RTKN: variants seen among roughly 807,000 people sequenced by gnomAD.
RTKN encodes the protein rhotekin.
In RTKN, 49 loss-of-function variants were observed where a neutral mutation model predicts 63.5. The ratio of observed to expected loss-of-function variants is 0.77; its 90% CI spans 0.61 to 0.98. RTKN has a LOEUF of 0.98. Among genes scored for constraint, RTKN ranks in the 50% least tolerant of loss-of-function variants. The pLI, the probability that RTKN is intolerant of heterozygous loss-of-function variation, is 0.00. For synonymous variants in RTKN, 295 were observed against 290.4 expected, an observed-to-expected ratio of 1.02 and a Z score of -0.16; for missense variants, 685 against 740.8, an observed-to-expected ratio of 0.92 and a Z score of 0.87.
intron 9 of RTKN, 51 bp downstream of exon 9, chr2:74,428,217 A>C: frequency 6.2e-7 from 1 of 1,612,998 alleles, no homozygotes; most frequent in Non-Finnish European, 8.5e-7. Flanking sequence ...CCTGAAGGAG[A>C]GGCTCCTGGG....
chr2:74,440,690 G>T (rs1671320550), intron 1 of RTKN: 2 of 452,798 alleles, frequency 4.4e-6, no homozygotes, highest in Non-Finnish European at 5.8e-6. Flanking sequence ...GGTTCCTCGG[G>T]CCCAGTCGCT....
At chr2:74,439,403 AAC>A in intron 1 of RTKN, 1 of 826,544 alleles carries the variant, frequency 1.2e-6, no homozygotes, top group Admixed American at 2.1e-5. Flanking sequence ...CACTGCACCC[AAC>A]ACAAGGCATA....
intron 1 of RTKN, among the ~76,000 whole-genome samples, chr2:74,433,772 C>A (rs13430762): frequency 6.6e-6 from 1 of 152,136 alleles, no homozygotes; most frequent in South Asian, 2.1e-4. Flanking sequence ...GGATTACAGG[C>A]GTGAGCCACC....
intron 2 of RTKN, 98 bp from the exon 3 acceptor site, chr2:74,430,775 A>G: frequency 2.5e-6 from 3 of 1,224,280 alleles, no homozygotes; most frequent in Non-Finnish European, 1.1e-6. Flanking sequence ...CCAGCGCCTC[A>G]GCCACCAGGT....
At chr2:74,429,167 G>A (rs948990673) in intron 6 of RTKN, among the ~76,000 whole-genome samples, 2 of 152,174 alleles carry the variant, frequency 1.3e-5, no homozygotes, top group African/African-American at 4.8e-5. Context: ...TGTGAGGTTG[G>A]TGGCATTCTT....
chr2:74,439,951 T>C, intron 1 of RTKN: 3 of 1,138,048 alleles, frequency 2.6e-6, no homozygotes, highest in Non-Finnish European at 3.3e-6. Context: ...GTGTCCAGTC[T>C]CGCTTTGGTG....
At chr2:74,440,936 C>T (rs1671334111) in intron 1 of RTKN, among the ~76,000 whole-genome samples, 1 of 152,234 alleles carries the variant, frequency 6.6e-6, no homozygotes, top group African/African-American at 2.4e-5. Context: ...GAACTGGGCT[C>T]TCCTTGGGCG....
In RTKN at chr2:74,426,530, T is replaced by G; in HGVS notation, c.1405A>C (p.Thr469Pro). The change falls in exon 12 of 12, where the codon ACC becomes CCC. Residue 469 changes from threonine (T) to proline (P), a missense_variant. Coordinates refer to ENST00000272430, the MANE Select transcript of RTKN (RefSeq NM_001015055.2). Reference protein sequence around the residue: ...DDIAAVTDILTQREGARLETP... With the variant: ...DDIAAVTDILPQREGARLETP... ...TCCAGCCTTGCGCCCTCCCGCTGGG[T>G]CAGGATGTCTGTCACCGCTGCGATG... is the stretch of plus-strand genomic sequence containing the variant. 6.5e-7 allele frequency: 1 copy of G among 1,550,036 alleles called. No individual in the cohort carries two copies. The highest frequency in any genetic ancestry group is 1.2e-5 in the South Asian group (1 of 81,254).
rs1246952903 is a variant in RTKN, at chr2:74,428,839, C to T, written c.850+9G>A. On this transcript the variant is annotated intron_variant, in intron 7 of 11. Coordinates refer to ENST00000272430, the MANE Select transcript of RTKN (RefSeq NM_001015055.2). Reference sequence around the variant, plus strand: ...CATGTGTATGTCCCCCATGCACACACATACTTACCATGACTGGCAAGGGTG... The same window carrying T: ...CATGTGTATGTCCCCCATGCACACATATACTTACCATGACTGGCAAGGGTG... 2.5e-6 allele frequency: 4 copies of T among 1,613,034 alleles called. No homozygotes were observed. Among genetic ancestry groups the T allele is most frequent in the African/African-American group, 2.7e-5 (2 of 74,896 alleles).
At chr2:74,440,080 T>A in intron 1 of RTKN, 1 of 803,224 alleles carries the variant, frequency 1.2e-6, no homozygotes, top group Non-Finnish European at 1.5e-6. Flanking sequence ...GAGAGGGCAG[T>A]GAGGGGCAGG....
chr2:74,426,381 G>C lies in RTKN; in HGVS notation c.1554C>G (p.Thr518=). The C allele has an allele frequency of 6.2e-7, 1 of 1,611,752 alleles. No individual in the cohort carries two copies. The highest frequency in any genetic ancestry group is 8.5e-7 in the Non-Finnish European group (1 of 1,178,828). The stretch of plus-strand genomic sequence containing the variant: ...CTGGGGGGACAGCATCCAGGGAAAA[G>C]GTTCGGGGTCTCCCCCAGGGCAGGG... The part of the protein sequence containing the change: ...THPLPWGRPR[T]FSLDAVPPDH... Residue 518 remains threonine, a synonymous_variant, in exon 12 of 12, where the codon ACC becomes ACG. Transcript: ENST00000272430.
intron 1 of RTKN, chr2:74,440,484 C>A (rs575760237): frequency 1.0e-6 from 1 of 986,884 alleles, no homozygotes; most frequent in Non-Finnish European, 1.2e-6. Context: ...GAGCCAGCTG[C>A]AGCCTAGCGC....
rs1344472645 is a variant in RTKN, at chr2:74,436,196, T to C, written c.112-3530A>G. 6.6e-6 allele frequency among the ~76,000 whole-genome samples: 1 copy of C among 151,068 alleles called. No individual in the cohort carries two copies. The highest frequency in any genetic ancestry group is 2.0e-4 in the East Asian group (1 of 5,092). On this transcript the variant is annotated intron_variant, in intron 1 of 11. Coordinates refer to ENST00000272430, the MANE Select transcript of RTKN (RefSeq NM_001015055.2). This position sits in a 1 kb window ranked among gnomAD's most constrained non-coding sequence, Gnocchi z 4.3. ...TCCCAGTCCCAGCACTCACGGATCC[T>C]TCCCCAGCCCGCTCCATTGCGAGAG...
Position 74,432,467 on chromosome 2 carries a change from C to A in RTKN, c.311G>T (p.Arg104Leu), listed in dbSNP as rs758078564. 1 of 1,607,682 alleles carries A rather than the reference C, an allele frequency of 6.2e-7. No individual in the cohort carries two copies. Among genetic ancestry groups the A allele is most frequent in the Non-Finnish European group, 8.5e-7 (1 of 1,179,914 alleles). ...EAQVLGKTSR[R>L]PSDSGPPAER... ...GAGGCCTCGTCTCCCCCTTGCTCAC[C>A]GCCGGCTTGTCTTCCCCAGCACCTG... Residue 104 changes from arginine (R) to leucine (L), a missense_variant and splice_region_variant, in exon 2 of 12, where the codon CGG (arginine) becomes CTG (leucine). Physicochemically the swap from Arg to Leu is moderately radical, Grantham distance 102. Coordinates refer to ENST00000272430, the MANE Select transcript of RTKN (RefSeq NM_001015055.2).
intron 6 of RTKN, among the ~76,000 whole-genome samples, chr2:74,429,413 C>G (rs967889051): frequency 6.6e-6 from 1 of 152,174 alleles, no homozygotes; most frequent in African/African-American, 2.4e-5. Context: ...CCAAGAAGCT[C>G]TGCTCTATCC....
At chr2:74,440,524 A>T in intron 1 of RTKN, 1 of 986,310 alleles carries the variant, frequency 1.0e-6, no homozygotes, top group Non-Finnish European at 1.2e-6. Context: ...CCACGGAGTC[A>T]CACTTCACTC....
chr2:74,430,525 G>A lies in RTKN; in HGVS notation c.374-7C>T. 6.2e-7 allele frequency: 1 copy of A among 1,614,190 alleles called. No individual in the cohort carries two copies. Among genetic ancestry groups the A allele is most frequent in the East Asian group, 2.2e-5 (1 of 44,882 alleles). On this transcript the variant is annotated splice_polypyrimidine_tract_variant and splice_region_variant and intron_variant, in intron 3 of 11. Coordinates refer to ENST00000272430, the MANE Select transcript of RTKN (RefSeq NM_001015055.2). ...ATGAGTGGAATCCGGAGGTCTAAGG[G>A]GCAGAGGGGTAAGAATAGATGTTGA...
intron 1 of RTKN, among the ~76,000 whole-genome samples, chr2:74,438,510 G>C (rs542492635): frequency 1.3e-5 from 2 of 152,210 alleles, no homozygotes; most frequent in Non-Finnish European, 2.9e-5. Context: ...TAAAAACATG[G>C]CATGAGTCAT....
Position 74,429,899 on chromosome 2 carries a change from A to C in RTKN, c.684T>G (p.Arg228=). ...SSSLGRSSGR[R]VRASLDSAGG... is the part of the protein sequence containing the mutation. ...CAGCACTGTCCAGCGATGCCCGGACACGCCTCCCTGAGGAGCGGCCCAGGG... is the reference window on the plus strand; with the variant it reads ...CAGCACTGTCCAGCGATGCCCGGACCCGCCTCCCTGAGGAGCGGCCCAGGG... Residue 228 remains arginine (R), a synonymous_variant, in exon 6 of 12, where the codon CGT becomes CGG. Transcript: ENST00000272430. 6.2e-7 allele frequency: 1 copy of C among 1,614,180 alleles called. No homozygotes were observed. The highest frequency in any genetic ancestry group is 1.3e-5 in the African/African-American group (1 of 75,040).
Sources: gnomAD v4.1 joint callset for allele counts (sites outside exome capture counted in the v4.1 genomes callset) on GRCh38, gnomAD v4.1.1 for gene constraint, Gnocchi (gnomAD v3.1) non-coding constraint, MANE v1.5 for transcripts, NCBI Gene and HGNC (gene_info 2026-07-23, HGNC 2026-07-21) for gene names.